LYPD1: variants seen among roughly 807,000 people sequenced by gnomAD.
LYPD1 encodes the protein LY6/PLAUR domain containing 1.
A neutral mutation model predicts 14.2 loss-of-function variants in LYPD1; 14 were observed. The observed-to-expected ratio is 0.99, with a 90% confidence interval of 0.65 to 1.54. LYPD1 has a LOEUF of 1.54. LYPD1 is among the 40% of genes most tolerant of loss of function. The pLI is 0.00. For missense variants in LYPD1, 165 were observed against 175.7 expected (o/e 0.94, Z 0.34); for synonymous variants, 85 against 70.6 (o/e 1.20, Z -1.02).
intron 2 of LYPD1, chr2:132,666,608 A>C (rs2104926938): frequency 6.6e-6 from 1 of 152,282 alleles, no homozygotes; most frequent in South Asian, 2.1e-4. Context: ...AGACACTTGA[A>C]GTCTGTGCTG....
Position 132,645,869 on chromosome 2 carries a change from T to TATTC in LYPD1, c.*172_*175dup. ...ACTGAAAATTCAGTCAGGCTGAATT[T>TATTC]ATTCAGAATGCTTTACCGAGCTCTT... On this transcript the variant is annotated 3_prime_UTR_variant, in exon 3 of 3. Transcript: ENST00000397463. The TATTC allele has an allele frequency of 1.5e-6, 1 of 658,378 alleles. No homozygotes were observed. The highest frequency in any genetic ancestry group is 2.2e-5 in the South Asian group (1 of 45,308). 40.8% of individuals were successfully genotyped at this position (658,378 alleles called of 1,614,324 possible).
Position 132,646,284 on chromosome 2 carries a change from T to C in LYPD1, c.191-4A>G. On this transcript the variant is annotated splice_region_variant and splice_polypyrimidine_tract_variant and intron_variant, in intron 2 of 2. Coordinates refer to ENST00000397463, the MANE Select transcript of LYPD1 (RefSeq NM_144586.7). The stretch of plus-strand genomic sequence containing the variant: ...CAGGACTTGCGGTACATGATCCCTG[T>C]AACACAGACCCAAAGGAGCTGAGTT... 2.7e-6 allele frequency: 4 copies of C among 1,486,566 alleles called. No homozygotes were observed. Among genetic ancestry groups the C allele is most frequent in the Non-Finnish European group, 2.7e-6 (3 of 1,111,624 alleles). The allele number at this position is 1,486,566 out of a possible 1,614,324, so 92.1% of individuals were successfully genotyped here.
intron 2 of LYPD1, among the ~76,000 whole-genome samples, chr2:132,655,021 G>A (rs1668694218): frequency 6.6e-6 from 1 of 152,038 alleles, no homozygotes; most frequent in Non-Finnish European, 1.5e-5. Flanking sequence ...CATGAGCCAC[G>A]GAGCCCGGCC....
intron 2 of LYPD1, among the ~76,000 whole-genome samples, chr2:132,664,852 GA>G (rs1378698194): frequency 6.6e-6 from 1 of 152,202 alleles, no homozygotes; most frequent in Non-Finnish European, 1.5e-5. Context: ...ATTCTGAAAT[GA>G]AAATCAATAT....
In LYPD1 at chr2:132,645,780, C is replaced by A. The variant is rs1384883759; in HGVS notation, c.*265G>T. On this transcript the variant is annotated 3_prime_UTR_variant, in exon 3 of 3. Transcript: ENST00000397463. Reference sequence around the variant, plus strand: ...CTAAGGACTGACTCTGCCAGCCTGGCCTTGACTCCGGTTACACAGACATGG... The same window carrying A: ...CTAAGGACTGACTCTGCCAGCCTGGACTTGACTCCGGTTACACAGACATGG... 15 of 920,632 alleles carry A rather than the reference C, an allele frequency of 1.6e-5. No homozygotes were observed. In the Admixed American group the frequency reaches 3.9e-4, roughly 24 times the overall value. 57.0% of individuals were successfully genotyped at this position (920,632 alleles called of 1,614,324 possible).
rs755100329 is a variant in LYPD1 at position 132,670,166 on chromosome 2, C to G, written c.-234G>C. The G allele has an allele frequency of 5.5e-4, 739 of 1,335,040 alleles. 3 individuals carry two copies. The highest frequency in any genetic ancestry group is 6.6e-5 in the Non-Finnish European group (69 of 1,043,582). 82.7% of individuals were successfully genotyped at this position (1,335,040 alleles called of 1,614,324 possible). A position where few individuals can be genotyped will look rare whatever the true frequency, so the allele number is the denominator to read the frequency against. On this transcript the variant is annotated 5_prime_UTR_variant, in exon 1 of 3. Coordinates refer to ENST00000397463, the MANE Select transcript of LYPD1 (RefSeq NM_144586.7). The surrounding 1 kb of genome is among the most constrained non-coding windows in gnomAD (Gnocchi z 4.5). The stretch of plus-strand genomic sequence containing the variant: ...GCTCCTCCCGCTCGCGCTCCCGGGC[C>G]GAGCACCGCGCCTCCGGAGTTGGCG...
chr2:132,670,176 G>C lies in LYPD1; in HGVS notation c.-244C>G. 7.6e-7 allele frequency: 1 copy of C among 1,310,362 alleles called. No individual in the cohort carries two copies. Among genetic ancestry groups the C allele is most frequent in the Non-Finnish European group, 9.8e-7 (1 of 1,023,744 alleles). 81.2% of individuals were successfully genotyped at this position (1,310,362 alleles called of 1,614,324 possible). ...CTCGCGCTCCCGGGCCGAGCACCGC[G>C]CCTCCGGAGTTGGCGGCTGAGACTG... On this transcript the variant is annotated 5_prime_UTR_variant, in exon 1 of 3. Transcript: ENST00000397463. The surrounding 1 kb of genome is among the most constrained non-coding windows in gnomAD (Gnocchi z 4.5).
chr2:132,669,235 G>A lies in LYPD1; in HGVS notation c.52+646C>T, dbSNP rs1683481756. ...CCGACCCCGCAGCCCTTTCTTCCAG[G>A]CCCCGGCTTTCAGGACAACCGTTCG... On this transcript the variant is annotated intron_variant, in intron 1 of 2. Coordinates refer to ENST00000397463, the MANE Select transcript of LYPD1 (RefSeq NM_144586.7). The surrounding 1 kb of genome is among the most constrained non-coding windows in gnomAD (Gnocchi z 4.3). Among the ~76,000 whole-genome samples the A allele has an allele frequency of 6.6e-6, 1 of 152,176 alleles. No individual in the cohort carries two copies. The highest frequency in any genetic ancestry group is 1.5e-5 in the Non-Finnish European group (1 of 68,022).
upstream of LYPD1, among the ~76,000 whole-genome samples, chr2:132,670,806 G>A (rs1293961499): frequency 6.6e-6 from 1 of 152,158 alleles, no homozygotes; most frequent in Non-Finnish European, 1.5e-5. This position sits in a 1 kb window ranked among gnomAD's most constrained non-coding sequence, Gnocchi z 4.5. Flanking sequence ...GCCAATCTGG[G>A]TGGGGGTGTG....
Position 132,668,390 on chromosome 2 carries a change from A to G in LYPD1, c.190+10T>C, listed in dbSNP as rs1198967109. The stretch of plus-strand genomic sequence containing the variant: ...CTTAAGAGCGAGGGGGAGGGCTGCC[A>G]GGCTCTTACCGGCACTTTGCTCCAT... On this transcript the variant is annotated intron_variant, in intron 2 of 2. Transcript: ENST00000397463. The G allele has an allele frequency of 6.2e-7, 1 of 1,600,198 alleles. No individual in the cohort carries two copies. Among genetic ancestry groups the G allele is most frequent in the Non-Finnish European group, 8.5e-7 (1 of 1,172,970 alleles).
At chr2:132,646,865 T>G (rs1394312211) in intron 2 of LYPD1, among the ~76,000 whole-genome samples, 2 of 152,134 alleles carry the variant, frequency 1.3e-5, no homozygotes, top group East Asian at 3.9e-4. Flanking sequence ...ACAGTCTTAT[T>G]CTAAGGAGAA....
chr2:132,670,232 A>G, upstream of LYPD1: 1 of 809,322 alleles, frequency 1.2e-6, no homozygotes, highest in Admixed American at 4.7e-5. This position sits in a 1 kb window ranked among gnomAD's most constrained non-coding sequence, Gnocchi z 4.5. Flanking sequence ...GAGCACCCAC[A>G]AAAGTCTCGC....
rs569500214 is a variant in LYPD1, at chr2:132,669,317, C to G, written c.52+564G>C. Among the ~76,000 whole-genome samples the G allele has an allele frequency of 3.9e-5, 6 of 152,086 alleles. No individual in the cohort carries two copies. The highest frequency in any genetic ancestry group is 1.2e-4 in the African/African-American group (5 of 41,496). On this transcript the variant is annotated intron_variant, in intron 1 of 2. Transcript: ENST00000397463. This position sits in a 1 kb window ranked among gnomAD's most constrained non-coding sequence, Gnocchi z 4.3. The stretch of plus-strand genomic sequence containing the variant: ...CAGAGCTTAGTCGGGAGCCAGTAGG[C>G]GAACTGGAGAGAGGACGCGAGACCT...
At chr2:132,653,762 T>C (rs562691177) in intron 2 of LYPD1, among the ~76,000 whole-genome samples, 32 of 152,316 alleles carry the variant, frequency 2.1e-4, no homozygotes, top group African/African-American at 6.3e-4. Flanking sequence ...CAGTAAGACA[T>C]TGACAGCATG....
intron 2 of LYPD1, among the ~76,000 whole-genome samples, chr2:132,655,028 G>A (rs369602065): frequency 3.3e-5 from 5 of 152,166 alleles, no homozygotes; most frequent in East Asian, 3.9e-4. Flanking sequence ...CACGGAGCCC[G>A]GCCTCTCTCT....
At chr2:132,649,809 G>T (rs916358732) in intron 2 of LYPD1, among the ~76,000 whole-genome samples, 4 of 152,072 alleles carry the variant, frequency 2.6e-5, no homozygotes, top group Non-Finnish European at 5.9e-5. Flanking sequence ...ATTCCAAGTA[G>T]ATCTAAGATT....
chr2:132,652,186 G>A (rs977904933), intron 2 of LYPD1, among the ~76,000 whole-genome samples: 1 of 152,074 alleles, frequency 6.6e-6, no homozygotes, highest in Admixed American at 6.5e-5. Context: ...TCTCTTAATC[G>A]CTTCTAATAC....
At chr2:132,648,393 C>T (rs955431748) in intron 2 of LYPD1, among the ~76,000 whole-genome samples, 1 of 152,250 alleles carries the variant, frequency 6.6e-6, no homozygotes, top group Non-Finnish European at 1.5e-5. Context: ...CAGATGCTGT[C>T]ATCAGTGTGG....
chr2:132,661,241 G>T lies in LYPD1; in HGVS notation c.190+7159C>A, dbSNP rs193200092. On this transcript the variant is annotated intron_variant, in intron 2 of 2. Coordinates refer to ENST00000397463, the MANE Select transcript of LYPD1 (RefSeq NM_144586.7). ...CTGTGTTTAAAAGAAACTAATTCAA[G>T]ATCTCAAGGGAAAACAGATGAATTA... Among the ~76,000 whole-genome samples, 38 of 152,266 alleles carry T rather than the reference G, an allele frequency of 2.5e-4. No individual in the cohort carries two copies. In the East Asian group the frequency reaches 7.0e-3, roughly 28 times the overall value.
Sources: allele counts gnomAD v4.1 joint callset (sites outside exome capture counted in the v4.1 genomes callset), GRCh38; gene constraint gnomAD v4.1.1; non-coding constraint Gnocchi (gnomAD v3.1); transcripts MANE v1.5; gene names NCBI Gene and HGNC (gene_info 2026-07-23, HGNC 2026-07-21).